PLD5: variants seen among roughly 807,000 people sequenced by gnomAD.
The protein encoded by PLD5 is inactive phospholipase D5.
Under a neutral mutation model 61.1 loss-of-function variants are expected in PLD5, and 36 were observed. The observed-to-expected ratio is 0.59, with a 90% CI of 0.45 to 0.78. The LOEUF is 0.78. Ranked by LOEUF, PLD5 falls within the 30% of genes least tolerant of loss-of-function variation. PLD5 has a pLI of 0.00. For synonymous variants in PLD5, 243 were observed against 242.8 expected, an observed-to-expected ratio of 1.00 and a Z score of -0.01; for missense variants, 515 against 644.4, an observed-to-expected ratio of 0.80 and a Z score of 2.17.
chr1:242,404,665 C>G (rs891771150), intron 1 of PLD5, among the ~76,000 whole-genome samples: 5 of 151,340 alleles, frequency 3.3e-5, no homozygotes, highest in Admixed American at 3.3e-4. Flanking sequence ...AGCCCTCACT[C>G]TAGTTACTCT....
intron 1 of PLD5, among the ~76,000 whole-genome samples, chr1:242,364,889 C>A (rs1439430072): frequency 6.6e-6 from 1 of 151,086 alleles, no homozygotes. Flanking sequence ...AAAACAAAAC[C>A]ATGCCCACAA....
chr1:242,260,939 G>A (rs545982725), intron 4 of PLD5, among the ~76,000 whole-genome samples: 93 of 152,188 alleles, frequency 6.1e-4, no homozygotes, highest in Non-Finnish European at 1.2e-3. Context: ...TAGGCATGAA[G>A]TAAAAGATTC....
intron 3 of PLD5, among the ~76,000 whole-genome samples, chr1:242,277,623 T>C (rs1337231679): frequency 2.0e-5 from 3 of 150,292 alleles, no homozygotes; most frequent in African/African-American, 7.3e-5. Flanking sequence ...AATTAAAATA[T>C]GTTTACCAGT....
In PLD5 at chr1:242,207,890, A is replaced by ATATTTATATATATT. The variant is rs1461029811; in HGVS notation, c.735+12097_735+12098insAATATATATAAATA. Among the ~76,000 whole-genome samples the ATATTTATATATATT allele has an allele frequency of 3.3e-3, 189 of 57,190 alleles. 38 individuals are homozygous for ATATTTATATATATT. Among genetic ancestry groups the ATATTTATATATATT allele is most frequent in the African/African-American group, 6.8e-3 (70 of 10,364 alleles). 37.5% of individuals were successfully genotyped at this position (57,190 alleles called of 152,430 possible). ...TATTTATATATATTTATATATTTAT[A>ATATTTATATATATT]TATATTTATATATTTATATATATTT... On this transcript the variant is annotated intron_variant, in intron 5 of 9. Transcript: ENST00000536534.
At chr1:242,123,485 C>T (rs1420337797) in intron 6 of PLD5, among the ~76,000 whole-genome samples, 1 of 152,150 alleles carries the variant, frequency 6.6e-6, no homozygotes, top group Non-Finnish European at 1.5e-5. Context: ...CTCACACACA[C>T]ATTCACACTC....
At chr1:242,267,529 C>G (rs1375087222) in intron 3 of PLD5, among the ~76,000 whole-genome samples, 1 of 152,134 alleles carries the variant, frequency 6.6e-6, no homozygotes, top group Admixed American at 6.5e-5. Flanking sequence ...GGAAGCCTCA[C>G]CACAAACCAG....
At chr1:242,482,387 C>T (rs572907834) in intron 1 of PLD5, among the ~76,000 whole-genome samples, 19 of 152,286 alleles carry the variant, frequency 1.2e-4, no homozygotes, top group Non-Finnish European at 2.5e-4. Context: ...CTGAAAACCA[C>T]GGCACAAGAA....
intron 5 of PLD5, among the ~76,000 whole-genome samples, chr1:242,166,572 C>T (rs1218499662): frequency 6.6e-6 from 1 of 152,162 alleles, no homozygotes; most frequent in Non-Finnish European, 1.5e-5. Flanking sequence ...GAAACAAATC[C>T]CAAGATTATT....
chr1:242,107,115 C>T (rs1238615094), intron 8 of PLD5, among the ~76,000 whole-genome samples: 2 of 152,276 alleles, frequency 1.3e-5, no homozygotes, highest in Non-Finnish European at 2.9e-5. Context: ...TGTGCTGCTG[C>T]ATGCTCCAGT....
intron 2 of PLD5, among the ~76,000 whole-genome samples, chr1:242,312,700 T>A (rs189005715): frequency 6.6e-6 from 1 of 152,296 alleles, no homozygotes; most frequent in Non-Finnish European, 1.5e-5. Flanking sequence ...GGGTAGAACA[T>A]TGCAAATATG....
At chr1:242,456,017 TA>T (rs1479832349) in intron 1 of PLD5, among the ~76,000 whole-genome samples, 1 of 152,260 alleles carries the variant, frequency 6.6e-6, no homozygotes, top group Non-Finnish European at 1.5e-5. Flanking sequence ...TCCAGGACAT[TA>T]CAAAGAAATA....
intron 2 of PLD5, among the ~76,000 whole-genome samples, chr1:242,344,774 T>C (rs1274900546): frequency 6.6e-6 from 1 of 151,950 alleles, no homozygotes; most frequent in Non-Finnish European, 1.5e-5. Flanking sequence ...CAGGCCACTC[T>C]CCCAGACCCT....
chr1:242,383,198 T>A (rs1289558031), intron 1 of PLD5, among the ~76,000 whole-genome samples: 1 of 152,216 alleles, frequency 6.6e-6, no homozygotes, highest in Non-Finnish European at 1.5e-5. Context: ...TCTCATTTTT[T>A]AAAATTTATT....
intron 1 of PLD5, among the ~76,000 whole-genome samples, chr1:242,353,860 ATTTTT>A (rs201787753): frequency 0.056 from 8,494 of 151,820 alleles, 315 homozygotes; most frequent in Middle Eastern, 0.094. Context: ...TTCCTATTTT[ATTTTT>A]TATAACTATT....
intron 1 of PLD5, among the ~76,000 whole-genome samples, chr1:242,443,700 T>C (rs950025408): frequency 8.5e-5 from 13 of 152,210 alleles, no homozygotes; most frequent in East Asian, 1.9e-4. Flanking sequence ...TTTGCTATTA[T>C]TCTTGAGTCC....
rs1462071416 is a variant in PLD5 at position 242,498,269 on chromosome 1, A to G, written c.189+25819T>C. Among the ~76,000 whole-genome samples the G allele has an allele frequency of 6.6e-5, 10 of 152,284 alleles. No individual in the cohort carries two copies. The East Asian group carries it at 1.9e-3, about 29-fold the overall frequency. Reference sequence around the variant, plus strand: ...TGAGCCACCGCACCTGGCCTCTTCAATTTATTTTTATGAGACCTTGCATGC... The same window carrying G: ...TGAGCCACCGCACCTGGCCTCTTCAGTTTATTTTTATGAGACCTTGCATGC... On this transcript the variant is annotated intron_variant, in intron 1 of 9. Transcript: ENST00000536534.
intron 1 of PLD5, among the ~76,000 whole-genome samples, chr1:242,375,195 G>A (rs1035497266): frequency 6.6e-6 from 1 of 152,196 alleles, no homozygotes; most frequent in Non-Finnish European, 1.5e-5. Context: ...ACAGGCTAGA[G>A]GTTTGTGTAC....
chr1:242,415,372 C>T (rs7532175), intron 1 of PLD5, among the ~76,000 whole-genome samples: 67,330 of 151,958 alleles, frequency 0.44, 16,503 homozygotes, highest in African/African-American at 0.66. Context: ...GACTCAATTA[C>T]GGAACATTCA....
chr1:242,141,384 C>A (rs1296568237), intron 5 of PLD5, among the ~76,000 whole-genome samples: 2 of 148,642 alleles, frequency 1.3e-5, no homozygotes, highest in Admixed American at 1.3e-4. Context: ...AAATTTGACT[C>A]CTTGTCCCTG....
Sources: allele counts gnomAD v4.1 joint callset (sites outside exome capture counted in the v4.1 genomes callset), GRCh38; gene constraint gnomAD v4.1.1; transcripts MANE v1.5; gene names NCBI Gene and HGNC (gene_info 2026-07-23, HGNC 2026-07-21).